Variants in TENM3 observed in about 807,000 individuals in gnomAD.
The protein encoded by TENM3 is teneurin-3.
A neutral mutation model predicts 255.1 loss-of-function variants in TENM3; 63 were observed. The ratio of observed to expected loss-of-function variants is 0.25; its 90% confidence interval spans 0.20 to 0.30. The LOEUF (loss-of-function observed/expected upper bound fraction) is 0.30. TENM3 is among the 10% of genes least tolerant of loss of function. The probability of loss-of-function intolerance (pLI) is 1.00; values close to 1 mark genes in which losing one functional copy is unlikely to be tolerated. For synonymous variants in TENM3, 1,306 were observed against 1,322.3 expected (o/e 0.99, Z 0.27); for missense variants, 2,929 against 3,461.1 (o/e 0.85, Z 3.86).
At chr4:181,762,918 TA>T in the TENM3 span, among the ~76,000 whole-genome samples, 26 of 150,080 alleles carry the variant, frequency 1.7e-4, no homozygotes, top group East Asian at 9.8e-4. Flanking sequence ...ACAGTGGTAG[TA>T]AAAAAAAAAC....
intron 3 of TENM3, among the ~76,000 whole-genome samples, chr4:182,569,446 C>G (rs759084505): frequency 6.6e-6 from 1 of 151,572 alleles, no homozygotes; most frequent in African/African-American, 2.4e-5. Context: ...CCCAGCTACT[C>G]GGGAGGCTGA....
chr4:182,205,136 A>G lies in TENM3; in HGVS notation c.-76+60382A>G, dbSNP rs1348162372. Among the ~76,000 whole-genome samples, 3 of 152,232 alleles carry G rather than the reference A, an allele frequency of 2.0e-5. No individual in the cohort carries two copies. The South Asian group carries it at 6.2e-4, about 32-fold the overall frequency. On this transcript the variant is annotated intron_variant, in intron 1 of 2. Transcript: ENST00000512480. The stretch of plus-strand genomic sequence containing the variant: ...TGGATAATTTAATTCCTCCTTCGGC[A>G]TCTGACTTTGAAAGCCCACATTGAC...
Position 182,639,423 on chromosome 4 carries a change from T to G in TENM3, c.988+10534T>G, listed in dbSNP as rs1752111091. On this transcript the variant is annotated intron_variant, in intron 5 of 27. Coordinates refer to ENST00000511685, the MANE Select transcript of TENM3 (RefSeq NM_001080477.4). ...GCAAAATGTAAGTGCTCAGTTAATT[T>G]TAGCTCTTCTTCTTCTTCTTTGTAA... is the stretch of plus-strand genomic sequence containing the variant. Among the ~76,000 whole-genome samples, 2 of 152,208 alleles carry G rather than the reference T, an allele frequency of 1.3e-5. 1 individual carries two copies. The highest frequency in any genetic ancestry group is 4.1e-4 in the South Asian group (2 of 4,824).
chr4:181,959,854 T>A, the TENM3 span, among the ~76,000 whole-genome samples: 26 of 152,268 alleles, frequency 1.7e-4, 1 homozygote, highest in African/African-American at 5.5e-4. Context: ...AAATTGTCCA[T>A]ATAAAATAGA....
At chr4:181,641,805 CAT>C in the TENM3 span, among the ~76,000 whole-genome samples, 5,832 of 31,200 alleles carry the variant, frequency 0.19, 312 homozygotes, top group South Asian at 0.25. Flanking sequence ...ACACACACAC[CAT>C]ATATATATAT....
At chr4:181,550,465 T>C in the TENM3 span, among the ~76,000 whole-genome samples, 2 of 152,176 alleles carry the variant, frequency 1.3e-5, no homozygotes, top group Non-Finnish European at 2.9e-5. Flanking sequence ...TCTGCAACCA[T>C]CTTTTTGTGA....
chr4:181,632,199 G>A, the TENM3 span, among the ~76,000 whole-genome samples: 4,468 of 152,172 alleles, frequency 0.029, 226 homozygotes, highest in African/African-American at 0.1. Flanking sequence ...AGGCAGGCAC[G>A]TCTTACATGG....
intron 1 of TENM3, among the ~76,000 whole-genome samples, chr4:182,307,213 G>A (rs898324726): frequency 3.3e-5 from 5 of 152,200 alleles, no homozygotes; most frequent in Non-Finnish European, 7.3e-5. Flanking sequence ...AGCCTGGACT[G>A]ATGAAAACTA....
intron 7 of TENM3, among the ~76,000 whole-genome samples, chr4:182,676,642 A>G (rs934004755): frequency 2.6e-5 from 4 of 152,232 alleles, no homozygotes; most frequent in Admixed American, 6.5e-5. Flanking sequence ...TGAACTACCA[A>G]GATAACTGAA....
the TENM3 span, among the ~76,000 whole-genome samples, chr4:181,802,449 G>C: frequency 5.6e-4 from 85 of 152,250 alleles, no homozygotes; most frequent in African/African-American, 1.9e-3. Context: ...ATTGTTTTCA[G>C]AGCCAAGAAA....
At chr4:181,545,769 A>G in the TENM3 span, among the ~76,000 whole-genome samples, 1 of 152,234 alleles carries the variant, frequency 6.6e-6, no homozygotes, top group African/African-American at 2.4e-5. Context: ...AAAGAAATTC[A>G]GCATGTGTAA....
chr4:182,478,108 T>G lies in TENM3; in HGVS notation c.512-122816T>G, dbSNP rs141572412. Among the ~76,000 whole-genome samples, 1,049 of 152,238 alleles carry G rather than the reference T, an allele frequency of 6.9e-3. 6 individuals are homozygous for G. Among genetic ancestry groups the G allele is most frequent in the African/African-American group, 0.024 (1,002 of 41,576 alleles). The stretch of plus-strand genomic sequence containing the variant: ...TGTTTCTGTGGAACTTAAACACTTT[T>G]GCACTTTTCTTTAGAATTTTGAATT... On this transcript the variant is annotated intron_variant, in intron 3 of 27. Coordinates refer to ENST00000511685, the MANE Select transcript of TENM3 (RefSeq NM_001080477.4).
the TENM3 span, among the ~76,000 whole-genome samples, chr4:181,551,719 G>T: frequency 6.6e-6 from 1 of 151,732 alleles, no homozygotes; most frequent in African/African-American, 2.4e-5. Flanking sequence ...GAATAAAAAG[G>T]TTCAACAGTA....
chr4:182,269,043 G>T (rs1230147384), intron 1 of TENM3, among the ~76,000 whole-genome samples: 1 of 152,106 alleles, frequency 6.6e-6, no homozygotes, highest in East Asian at 1.9e-4. Flanking sequence ...CTGTGACAAA[G>T]ATGTTGAATA....
At chr4:182,208,369 GAAGAC>G (rs1469118619) in intron 1 of TENM3, among the ~76,000 whole-genome samples, 1 of 152,138 alleles carries the variant, frequency 6.6e-6, no homozygotes, top group Non-Finnish European at 1.5e-5. Flanking sequence ...TACTTCTCAT[GAAGAC>G]TCTAGGGCAG....
At chr4:182,222,820 A>T (rs1019648958) in intron 1 of TENM3, among the ~76,000 whole-genome samples, 1 of 152,174 alleles carries the variant, frequency 6.6e-6, no homozygotes, top group Non-Finnish European at 1.5e-5. Flanking sequence ...GCTCTGGAGA[A>T]AGTTCCTGAA....
At chr4:182,199,937 G>A (rs1754077868) in intron 1 of TENM3, among the ~76,000 whole-genome samples, 1 of 151,948 alleles carries the variant, frequency 6.6e-6, no homozygotes, top group Non-Finnish European at 1.5e-5. Context: ...ATGTTGCCCA[G>A]GCTGGACTCT....
the TENM3 span, among the ~76,000 whole-genome samples, chr4:181,873,185 A>G: frequency 6.6e-6 from 1 of 152,144 alleles, no homozygotes; most frequent in Non-Finnish European, 1.5e-5. Context: ...CTCCTGCCTC[A>G]GCCTCCCGAG....
chr4:182,613,604 A>C (rs1209684160), intron 4 of TENM3, among the ~76,000 whole-genome samples: 4 of 152,182 alleles, frequency 2.6e-5, no homozygotes, highest in Non-Finnish European at 5.9e-5. Context: ...AAGATAGTAC[A>C]GAACTCACAA....
Sources: gnomAD v4.1 joint callset for allele counts (sites outside exome capture counted in the v4.1 genomes callset) on GRCh38, gnomAD v4.1.1 for gene constraint, MANE v1.5 for transcripts, NCBI Gene and HGNC (gene_info 2026-07-23, HGNC 2026-07-21) for gene names.